Variants in ADPRHL1 observed in about 807,000 individuals in gnomAD.
ADPRHL1 encodes ADP-ribosylhydrolase like 1, also known as inactive ADP-ribosyltransferase ARH2.
ADPRHL1 carries 43 observed loss-of-function variants against 44.1 expected under a neutral mutation model. The observed-to-expected ratio is 0.98, with a 90% confidence interval of 0.76 to 1.26. The LOEUF (loss-of-function observed/expected upper bound fraction) is 1.26, where lower values mean the gene tolerates loss of function less well. Ranked by LOEUF, ADPRHL1 falls within the 50% of genes most tolerant of loss-of-function variation. The probability of loss-of-function intolerance (pLI) is 0.00; values close to 1 mark genes in which losing one functional copy is unlikely to be tolerated. For missense variants in ADPRHL1, 2,022 were observed against 2,496.9 expected, an observed-to-expected ratio of 0.81 and a Z score of 4.05; for synonymous variants, 878 against 1,017.4, an observed-to-expected ratio of 0.86 and a Z score of 2.61.
At position 113,402,015 on chromosome 13, in the gene ADPRHL1, C is replaced by T. The variant is rs970791898; in HGVS notation, c.*1363G>A. ...AGGCACCAAAGCGCCTTTGCGAACG[C>T]TTAGGGCTGTTTCAGGAAACCGCTC... On this transcript the variant is annotated 3_prime_UTR_variant, in exon 8 of 8. Transcript: ENST00000612156. The T allele has an allele frequency of 6.6e-6, 1 of 152,284 alleles. No homozygotes were observed. The highest frequency in any genetic ancestry group is 2.4e-5 in the African/African-American group (1 of 41,478). 9.4% of individuals were successfully genotyped at this position (152,284 alleles called of 1,614,324 possible).
At chr13:113,426,516 CCA>C (rs1160053967) in intron 4 of ADPRHL1, among the ~76,000 whole-genome samples, 54 of 152,230 alleles carry the variant, frequency 3.5e-4, no homozygotes, top group Admixed American at 1.0e-3. Context: ...TACGCTCCTG[CCA>C]CAGAGCTCCA....
chr13:113,431,553 G>A lies in ADPRHL1; in HGVS notation c.505+2189C>T, dbSNP rs2044007565. The stretch of plus-strand genomic sequence containing the variant: ...TGGACTCATGGGAGCACGCGATGCA[G>A]GCTGTAACACAAACTGTGGCTCTTA... On this transcript the variant is annotated intron_variant, in intron 3 of 7. Transcript: ENST00000612156. 2.0e-5 allele frequency among the ~76,000 whole-genome samples: 3 copies of A among 152,244 alleles called. No individual in the cohort carries two copies. The East Asian group carries it at 5.8e-4, about 29-fold the overall frequency.
At chr13:113,446,418 T>C (rs536492019) in intron 1 of ADPRHL1, among the ~76,000 whole-genome samples, 9 of 152,306 alleles carry the variant, frequency 5.9e-5, no homozygotes, top group Non-Finnish European at 1.0e-4. Flanking sequence ...ACCAGTTCCC[T>C]GACCCGGCCC....
chr13:113,449,391 G>C (rs111594681), intron 1 of ADPRHL1: 1 of 229,992 alleles, frequency 4.3e-6, no homozygotes, highest in Non-Finnish European at 7.3e-6. Flanking sequence ...GTTCAGAGAG[G>C]CTCACCCGGA....
intron 7 of ADPRHL1, among the ~76,000 whole-genome samples, chr13:113,419,573 C>T (rs1595541933): frequency 6.6e-6 from 1 of 151,952 alleles, no homozygotes. Context: ...TAGGGAGAGA[C>T]TAAGTCCTTT....
chr13:113,414,627 C>T (rs538551480), intron 7 of ADPRHL1, among the ~76,000 whole-genome samples: 26 of 151,912 alleles, frequency 1.7e-4, no homozygotes, highest in Non-Finnish European at 3.4e-4. Context: ...GGCAGGGCCA[C>T]GTGCCTCTGC....
At chr13:113,412,530 G>A (rs909836170) in intron 7 of ADPRHL1, among the ~76,000 whole-genome samples, 2 of 152,206 alleles carry the variant, frequency 1.3e-5, no homozygotes, top group African/African-American at 2.4e-5. Context: ...AGTCACCCCT[G>A]TTTCTGCCCA....
At chr13:113,422,098 G>T (rs2043928211) in intron 7 of ADPRHL1, 1 of 152,246 alleles carries the variant, frequency 6.6e-6, no homozygotes, top group South Asian at 2.1e-4. Flanking sequence ...AGCCCGATGG[G>T]GCAGGCGCGG....
intron 7 of ADPRHL1, chr13:113,410,207 A>G: frequency 1.2e-6 from 1 of 864,900 alleles, no homozygotes; most frequent in Non-Finnish European, 1.4e-6. Flanking sequence ...CCTTCCCGAG[A>G]CGCCTCCCTC....
intron 6 of ADPRHL1, among the ~76,000 whole-genome samples, chr13:113,423,206 G>A (rs1392906850): frequency 2.0e-5 from 3 of 152,100 alleles, no homozygotes; most frequent in Non-Finnish European, 4.4e-5. Context: ...GCAACGAGCC[G>A]AGATTGCCTC....
intron 1 of ADPRHL1, among the ~76,000 whole-genome samples, chr13:113,446,754 T>C (rs1173985841): frequency 6.6e-6 from 1 of 151,956 alleles, no homozygotes; most frequent in Non-Finnish European, 1.5e-5. Flanking sequence ...ACAGGGTGTT[T>C]ACATGCACCG....
intron 4 of ADPRHL1, among the ~76,000 whole-genome samples, chr13:113,428,681 G>A (rs1566474609): frequency 6.6e-6 from 1 of 152,242 alleles, no homozygotes. Context: ...GGGACGGGTG[G>A]ACCCGCCGGA....
Position 113,405,602 on chromosome 13 carries a change from A to T in ADPRHL1, c.3680T>A (p.Leu1227Ter). The T allele has an allele frequency of 8.1e-7, 1 of 1,232,630 alleles. No homozygotes were observed. Among genetic ancestry groups the T allele is most frequent in the Non-Finnish European group, 1.0e-6 (1 of 988,676 alleles). The allele number at this position is 1,232,630 out of a possible 1,614,324, so 76.4% of individuals were successfully genotyped here. Residue 1227 changes from leucine (L) to a stop codon, truncating the protein, a stop_gained, in exon 8 of 8, where the codon TTA (leucine) becomes TAA (stop). Transcript: ENST00000612156. LOFTEE classifies it low-confidence loss of function (END_TRUNC). ...GGCTGCTGATGTGTTTGAAATGTAT[A>T]ATCGGGCCGCCTCTGGGTGCCGGGC... is the stretch of plus-strand genomic sequence containing the variant. ...ALARHPEAAR[L>*]YISNTSAASR...
chr13:113,408,336 G>A (rs960196326), intron 7 of ADPRHL1, 116 bp from the exon 8 acceptor site: 3 of 1,077,592 alleles, frequency 2.8e-6, no homozygotes, highest in African/African-American at 1.6e-5. Context: ...AGTCTGGTAG[G>A]GAGAAAAAGA....
rs9549776 is a variant in ADPRHL1, at chr13:113,413,124, T to A, written c.1062-4904A>T. On this transcript the variant is annotated intron_variant, in intron 7 of 7. Coordinates refer to ENST00000612156, the MANE Select transcript of ADPRHL1 (RefSeq NM_001394807.1). ...GCTCGGTTCACCCACCGCCAACAGC[T>A]CCTCGCAGAGCTCGGTTCACCCACC... Among the ~76,000 whole-genome samples the A allele has an allele frequency of 3.1e-5, 2 of 65,170 alleles. 1 individual carries two copies. Among genetic ancestry groups the A allele is most frequent in the Middle Eastern group, 0.02 (2 of 98 alleles). 42.8% of individuals were successfully genotyped at this position (65,170 alleles called of 152,430 possible). A position where few individuals can be genotyped will look rare whatever the true frequency, so the allele number is the denominator to read the frequency against.
At chr13:113,428,122 T>C (rs1257366131) in intron 4 of ADPRHL1, among the ~76,000 whole-genome samples, 3 of 151,858 alleles carry the variant, frequency 2.0e-5, no homozygotes, top group African/African-American at 4.8e-5. Flanking sequence ...CGGACGCCTG[T>C]AATCCCAGCT....
intron 7 of ADPRHL1, among the ~76,000 whole-genome samples, chr13:113,415,750 C>CAAAAAAAAAAAAAAAAA (rs71214119): frequency 9.5e-5 from 6 of 63,036 alleles, no homozygotes; most frequent in Admixed American, 2.1e-4. Context: ...GACTCCATCT[C>CAAAAAAAAAAAAAAAAA]AAAAAAAAAA....
chr13:113,417,636 C>A (rs559065112), intron 7 of ADPRHL1, among the ~76,000 whole-genome samples: 1 of 152,244 alleles, frequency 6.6e-6, no homozygotes, highest in South Asian at 2.1e-4. Flanking sequence ...ACACGAATCC[C>A]GAGACGGTCT....
intron 7 of ADPRHL1, chr13:113,422,119 CCTT>C (rs2043928506): frequency 6.6e-6 from 1 of 152,240 alleles, no homozygotes; most frequent in South Asian, 2.1e-4. Context: ...AAGGGAAAGG[CCTT>C]CTCTGCATTT....
Sources: gnomAD v4.1 joint callset for allele counts (sites outside exome capture counted in the v4.1 genomes callset) on GRCh38, gnomAD v4.1.1 for gene constraint, MANE v1.5 for transcripts, NCBI Gene and HGNC (gene_info 2026-07-23, HGNC 2026-07-21) for gene names.